Variants in PPP2R5A observed in about 807,000 individuals in gnomAD.
PPP2R5A encodes the protein serine/threonine-protein phosphatase 2A 56 kDa regulatory subunit alpha isoform.
PPP2R5A carries 25 observed loss-of-function variants against 64.2 expected under a neutral mutation model. The ratio of observed to expected loss-of-function variants is 0.39; its 90% CI spans 0.28 to 0.54. PPP2R5A has a LOEUF of 0.54. Ranked by LOEUF, PPP2R5A falls within the 20% of genes least tolerant of loss-of-function variation. The probability of loss-of-function intolerance (pLI) is 0.67; values close to 1 mark genes in which losing one functional copy is unlikely to be tolerated. For synonymous variants in PPP2R5A, 198 were observed against 201.2 expected (o/e 0.98, Z 0.13); for missense variants, 425 against 576.3 (o/e 0.74, Z 2.69).
chr1:212,309,902 T>C (rs1045637541), intron 1 of PPP2R5A, among the ~76,000 whole-genome samples: 1 of 152,224 alleles, frequency 6.6e-6, no homozygotes, highest in African/African-American at 2.4e-5. Flanking sequence ...TCCTAAGGGT[T>C]GGACTCGGCT....
rs571682855 is a variant in PPP2R5A at position 212,326,458 on chromosome 1, G to A, written c.182-2677G>A. Among the ~76,000 whole-genome samples the A allele has an allele frequency of 6.4e-4, 98 of 152,156 alleles. 1 individual carries two copies. The highest frequency in any genetic ancestry group is 2.1e-3 in the African/African-American group (89 of 41,522). ...AAAAAAATACAAAAATTAGCTGGGCGTGGTGGTGCAGGCCTGTAATCCCAG... is the reference window on the plus strand; with the variant it reads ...AAAAAAATACAAAAATTAGCTGGGCATGGTGGTGCAGGCCTGTAATCCCAG... On this transcript the variant is annotated intron_variant, in intron 1 of 12. Coordinates refer to ENST00000261461, the MANE Select transcript of PPP2R5A (RefSeq NM_006243.4).
chr1:212,344,839 G>C (rs1369579312), intron 4 of PPP2R5A, among the ~76,000 whole-genome samples: 1 of 152,094 alleles, frequency 6.6e-6, no homozygotes, highest in Non-Finnish European at 1.5e-5. Context: ...CTGTGGAACT[G>C]GTTTAAAATT....
chr1:212,306,359 G>GC (rs1034854105), intron 1 of PPP2R5A, among the ~76,000 whole-genome samples: 3 of 89,432 alleles, frequency 3.4e-5, no homozygotes, highest in Admixed American at 1.1e-4. Flanking sequence ...GAAGAATGGA[G>GC]GGGGGGTAAC....
At chr1:212,335,122 AT>A (rs969649514) in intron 3 of PPP2R5A, among the ~76,000 whole-genome samples, 9 of 150,790 alleles carry the variant, frequency 6.0e-5, no homozygotes, top group South Asian at 2.1e-4. Flanking sequence ...TAATTTGCTG[AT>A]TTTTTTTTAA....
At chr1:212,298,251 C>T (rs1281282521) in intron 1 of PPP2R5A, among the ~76,000 whole-genome samples, 1 of 31,016 alleles carries the variant, frequency 3.2e-5, no homozygotes, top group Non-Finnish European at 5.5e-5. Context: ...CATCCGATTT[C>T]TCAATTTTTT....
chr1:212,312,347 ACTGTAC>A (rs1297473545), intron 1 of PPP2R5A, among the ~76,000 whole-genome samples: 1 of 152,200 alleles, frequency 6.6e-6, no homozygotes, highest in African/African-American at 2.4e-5. Context: ...GTGATGCATG[ACTGTAC>A]CACTAGCTCT....
chr1:212,292,917 C>G (rs1291387085), intron 1 of PPP2R5A, among the ~76,000 whole-genome samples: 2 of 152,088 alleles, frequency 1.3e-5, no homozygotes, highest in Non-Finnish European at 2.9e-5. Context: ...TTATTTAAAA[C>G]AGGGGAATCC....
chr1:212,325,035 CAG>C (rs1204814278), intron 1 of PPP2R5A, among the ~76,000 whole-genome samples: 8 of 152,086 alleles, frequency 5.3e-5, no homozygotes, highest in Admixed American at 5.2e-4. Flanking sequence ...TCTTCAAATT[CAG>C]AGTTTTTTCA....
At chr1:212,314,382 G>T (rs116082074) in intron 1 of PPP2R5A, among the ~76,000 whole-genome samples, 3,112 of 151,312 alleles carry the variant, frequency 0.021, 77 homozygotes, top group Admixed American at 0.064. Context: ...GTTTTTTTTT[G>T]TTGTTGTTGT....
intron 1 of PPP2R5A, among the ~76,000 whole-genome samples, chr1:212,320,710 T>A (rs1172411990): frequency 7.2e-5 from 6 of 83,552 alleles, no homozygotes; most frequent in African/African-American, 2.0e-4. Context: ...CCCTCCCGGA[T>A]GGGGCGGCTG....
chr1:212,312,063 C>G (rs2102420718), intron 1 of PPP2R5A, among the ~76,000 whole-genome samples: 1 of 152,286 alleles, frequency 6.6e-6, no homozygotes, highest in East Asian at 1.9e-4. Flanking sequence ...AAGCTCTATT[C>G]ATGTTAAGTG....
rs1285808641 is a variant in PPP2R5A, at chr1:212,361,796, T to C, written c.*1026T>C. 1 of 152,704 alleles carries C rather than the reference T, an allele frequency of 6.5e-6. No homozygotes were observed. Among genetic ancestry groups the C allele is most frequent in the Non-Finnish European group, 1.5e-5 (1 of 68,058 alleles). 9.5% of individuals were successfully genotyped at this position (152,704 alleles called of 1,614,324 possible). A position where few individuals can be genotyped will look rare whatever the true frequency, so the allele number is the denominator to read the frequency against. ...CTTGCAGTTGTGTGGAAAACTGTTT[T>C]GTAATGAAAGATCTTCATTGGGGGA... On this transcript the variant is annotated 3_prime_UTR_variant, in exon 13 of 13. Transcript: ENST00000261461.
chr1:212,330,862 T>C (rs7521853), intron 2 of PPP2R5A, among the ~76,000 whole-genome samples: 44,995 of 145,356 alleles, frequency 0.31, 7,163 homozygotes, highest in Non-Finnish European at 0.37. Flanking sequence ...CAAAAAAAAA[T>C]TTTTTTTTTT....
intron 3 of PPP2R5A, among the ~76,000 whole-genome samples, chr1:212,340,880 G>A (rs1469062049): frequency 6.6e-6 from 1 of 152,056 alleles, no homozygotes; most frequent in African/African-American, 2.4e-5. Flanking sequence ...TTTGCTCTAA[G>A]GTCTATTAAT....
intron 4 of PPP2R5A, among the ~76,000 whole-genome samples, chr1:212,343,092 C>T (rs1254245714): frequency 6.6e-6 from 1 of 151,584 alleles, no homozygotes; most frequent in Admixed American, 6.6e-5. Context: ...GGACTACAGG[C>T]ACACGCCACC....
chr1:212,294,218 A>G (rs939270621), intron 1 of PPP2R5A, among the ~76,000 whole-genome samples: 2 of 152,198 alleles, frequency 1.3e-5, no homozygotes, highest in African/African-American at 2.4e-5. Context: ...AATTACAGCT[A>G]TTACCATAAG....
intron 3 of PPP2R5A, among the ~76,000 whole-genome samples, chr1:212,340,393 A>G (rs1465409193): frequency 6.6e-6 from 1 of 152,188 alleles, no homozygotes; most frequent in Non-Finnish European, 1.5e-5. Flanking sequence ...GAGCCATACC[A>G]TCCCTAATGT....
intron 1 of PPP2R5A, among the ~76,000 whole-genome samples, chr1:212,321,444 G>A (rs1293365557): frequency 1.1e-4 from 17 of 150,480 alleles, no homozygotes; most frequent in Non-Finnish European, 2.4e-4. Flanking sequence ...AGTGGCTGCC[G>A]GGCGGAGGGG....
intron 4 of PPP2R5A, 40 bp downstream of exon 4, chr1:212,342,320 T>TGAA: frequency 6.3e-7 from 1 of 1,586,062 alleles, no homozygotes. Flanking sequence ...TATATTCATC[T>TGAA]TAGCAATGAT....
Sources: allele counts gnomAD v4.1 joint callset (sites outside exome capture counted in the v4.1 genomes callset), GRCh38; gene constraint gnomAD v4.1.1; transcripts MANE v1.5; gene names NCBI Gene and HGNC (gene_info 2026-07-23, HGNC 2026-07-21).